The following RAPGEF5 variants were observed in gnomAD, a reference collection of about 807,000 sequenced individuals.
The protein encoded by RAPGEF5 is M-Ras-regulated GEF.
RAPGEF5 carries 65 observed loss-of-function variants against 125.2 expected under a neutral mutation model. That is an observed-to-expected ratio of 0.52 (90% CI 0.43 to 0.64). The LOEUF (loss-of-function observed/expected upper bound fraction) is 0.64, where lower values mean the gene tolerates loss of function less well. Ranked by LOEUF, RAPGEF5 falls within the 30% of genes least tolerant of loss-of-function variation. The pLI is 0.00. For synonymous variants in RAPGEF5, 391 were observed against 385.9 expected (o/e 1.01, Z -0.16); for missense variants, 958 against 1,048.1 (o/e 0.91, Z 1.19).
At chr7:22,280,017 C>T (rs1046471995) in intron 6 of RAPGEF5, among the ~76,000 whole-genome samples, 3 of 152,108 alleles carry the variant, frequency 2.0e-5, no homozygotes, top group African/African-American at 4.8e-5. Context: ...ATTTTGGAAA[C>T]AGGCCTCCCG....
chr7:22,322,539 C>G (rs1024166265), intron 1 of RAPGEF5, among the ~76,000 whole-genome samples: 10 of 152,132 alleles, frequency 6.6e-5, no homozygotes, highest in Admixed American at 2.0e-4. Context: ...GATGACAAAA[C>G]TAGACTTAAA....
At chr7:22,335,750 C>T (rs529223691) in intron 1 of RAPGEF5, among the ~76,000 whole-genome samples, 1 of 150,504 alleles carries the variant, frequency 6.6e-6, no homozygotes, top group Admixed American at 6.6e-5. Context: ...CAAAGCTGTC[C>T]TAAAGGCAAA....
intron 8 of RAPGEF5, among the ~76,000 whole-genome samples, chr7:22,223,750 T>C (rs909139177): frequency 6.6e-6 from 1 of 152,256 alleles, no homozygotes; most frequent in African/African-American, 2.4e-5. Context: ...TTGGCATATT[T>C]GGTGGTAGGG....
intron 1 of RAPGEF5, chr7:22,355,886 T>C (rs1476878014): frequency 2.2e-6 from 2 of 904,068 alleles, no homozygotes; most frequent in East Asian, 1.2e-4. Flanking sequence ...ATTTTAAAAA[T>C]TACAGCCAAA....
intron 9 of RAPGEF5, among the ~76,000 whole-genome samples, chr7:22,201,922 T>C (rs1785286403): frequency 6.6e-6 from 1 of 152,142 alleles, no homozygotes; most frequent in South Asian, 2.1e-4. Flanking sequence ...AGTGGCTGGT[T>C]TGGTTTGGTT....
rs1440083307 is a variant in RAPGEF5, at chr7:22,138,205, C to T, written c.2278-1222G>A. ...ACCTCAAACCCAACATGTCCGAAGT[C>T]GAACTAAGTGATCTACTCCAGAGAT... On this transcript the variant is annotated intron_variant, in intron 21 of 25. Coordinates refer to ENST00000665637, the MANE Select transcript of RAPGEF5 (RefSeq NM_012294.5). Among the ~76,000 whole-genome samples the T allele has an allele frequency of 2.0e-5, 3 of 152,258 alleles. 1 individual carries two copies. The highest frequency in any genetic ancestry group is 6.8e-3 in the Middle Eastern group (2 of 294).
chr7:22,318,434 T>C (rs547757221), intron 1 of RAPGEF5, among the ~76,000 whole-genome samples: 5 of 152,314 alleles, frequency 3.3e-5, no homozygotes, highest in Admixed American at 3.3e-4. Flanking sequence ...TTTCCTGCTC[T>C]CTAGGTCACA....
At chr7:22,260,449 A>C (rs1782122522) in intron 7 of RAPGEF5, among the ~76,000 whole-genome samples, 1 of 152,122 alleles carries the variant, frequency 6.6e-6, no homozygotes, top group Non-Finnish European at 1.5e-5. Context: ...TGCTCTAAAA[A>C]ATAAAGTCTA....
At chr7:22,162,840 G>C in intron 12 of RAPGEF5, 1 of 486,974 alleles carries the variant, frequency 2.1e-6, no homozygotes, top group Non-Finnish European at 4.0e-6. Context: ...GAGATACTAG[G>C]TGGTCCATTA....
rs558702660 is a variant in RAPGEF5 at position 22,156,844 on chromosome 7, G to A, written c.1602C>T (p.Leu534=). The A allele has an allele frequency of 6.8e-6, 11 of 1,613,804 alleles. No individual in the cohort carries two copies. Among genetic ancestry groups the A allele is most frequent in the East Asian group, 2.2e-5 (1 of 44,886 alleles). The change falls in exon 16 of 26, where the codon CTC becomes CTT. Residue 534 remains leucine (L), a synonymous_variant. Coordinates refer to ENST00000665637, the MANE Select transcript of RAPGEF5 (RefSeq NM_012294.5). ...TTTCAGTCACAGTTCCTCTATGCTG[G>A]AGCCAGTTCTCCTTAAGACTGAATT... ...FHQFSLKENW[L]QHRGTVTETE... is the part of the protein sequence containing the mutation.
intron 20 of RAPGEF5, 70 bp from the exon 21 acceptor site, chr7:22,140,185 A>G: frequency 7.1e-7 from 1 of 1,402,084 alleles, no homozygotes; most frequent in Non-Finnish European, 9.9e-7. Flanking sequence ...CAAAAGATAA[A>G]GCTGAAAAGA....
intron 9 of RAPGEF5, among the ~76,000 whole-genome samples, chr7:22,210,680 C>T (rs1785489478): frequency 6.6e-6 from 1 of 152,134 alleles, no homozygotes; most frequent in Admixed American, 6.6e-5. Context: ...CCCAGTCATT[C>T]CTGGAACCTG....
At chr7:22,125,807 C>A in intron 24 of RAPGEF5, 149 bp from the exon 25 acceptor site, 2 of 730,994 alleles carry the variant, frequency 2.7e-6, no homozygotes, top group Non-Finnish European at 4.7e-6. Flanking sequence ...AGCTTTGATT[C>A]TATGGAGCTT....
At chr7:22,148,098 C>T (rs1334588161) in intron 18 of RAPGEF5, among the ~76,000 whole-genome samples, 1 of 151,890 alleles carries the variant, frequency 6.6e-6, no homozygotes, top group Non-Finnish European at 1.5e-5. Flanking sequence ...GCTCGGAAAG[C>T]AATGACCAAA....
intron 1 of RAPGEF5, among the ~76,000 whole-genome samples, chr7:22,338,521 T>C (rs1238433031): frequency 6.6e-6 from 1 of 152,264 alleles, no homozygotes. Flanking sequence ...AGCTAAGGAC[T>C]GGGATAATTC....
intron 1 of RAPGEF5, among the ~76,000 whole-genome samples, chr7:22,351,865 G>A (rs893327123): frequency 6.6e-6 from 1 of 152,188 alleles, no homozygotes; most frequent in Admixed American, 6.5e-5. Context: ...ACTCCAGCTT[G>A]TACAAAGGGA....
intron 1 of RAPGEF5, among the ~76,000 whole-genome samples, chr7:22,331,096 A>G (rs933740659): frequency 6.6e-6 from 1 of 152,172 alleles, no homozygotes; most frequent in Non-Finnish European, 1.5e-5. Context: ...AGAGAACGTC[A>G]GTACTCAGGC....
intron 7 of RAPGEF5, among the ~76,000 whole-genome samples, chr7:22,252,824 A>T (rs914315121): frequency 1.3e-5 from 2 of 152,222 alleles, no homozygotes; most frequent in Non-Finnish European, 2.9e-5. Context: ...TGCATTTTCA[A>T]TTATTCCTGG....
At position 22,228,816 on chromosome 7, in the gene RAPGEF5, G is replaced by A. The variant is rs1392231466; in HGVS notation, c.870+2030C>T. On this transcript the variant is annotated intron_variant, in intron 8 of 25. Transcript: ENST00000665637. Reference sequence around the variant, plus strand: ...GTGCGAGCCACCACGACTGTTACTCGCCCAAGGTTACTGTGCCAGTCAGGA... The same window carrying A: ...GTGCGAGCCACCACGACTGTTACTCACCCAAGGTTACTGTGCCAGTCAGGA... 5.3e-5 allele frequency among the ~76,000 whole-genome samples: 8 copies of A among 151,740 alleles called. No individual in the cohort carries two copies. In the South Asian group the frequency reaches 6.3e-4, roughly 12 times the overall value.
Sources: gnomAD v4.1 joint callset for allele counts (sites outside exome capture counted in the v4.1 genomes callset) on GRCh38, gnomAD v4.1.1 for gene constraint, MANE v1.5 for transcripts, NCBI Gene and HGNC (gene_info 2026-07-23, HGNC 2026-07-21) for gene names.